The following TNNI3K variants were observed in gnomAD, a reference collection of about 807,000 sequenced individuals.
The protein encoded by TNNI3K is serine/threonine-protein kinase TNNI3K.
A neutral mutation model predicts 114.5 loss-of-function variants in TNNI3K; 140 were observed. The observed-to-expected ratio is 1.22, with a 90% confidence interval of 1.07 to 1.41. The LOEUF (loss-of-function observed/expected upper bound fraction) is 1.41, where lower values mean the gene tolerates loss of function less well. TNNI3K is among the 40% of genes most tolerant of loss of function. The pLI, the probability that TNNI3K is intolerant of heterozygous loss-of-function variation, is 0.00. For missense variants in TNNI3K, 1,125 were observed against 1,007.6 expected, an observed-to-expected ratio of 1.12 and a Z score of -1.58; for synonymous variants, 347 against 347.5, an observed-to-expected ratio of 1.00 and a Z score of 0.02.
At chr1:74,497,715 A>G (rs1478636310) in intron 23 of TNNI3K, among the ~76,000 whole-genome samples, 5 of 152,116 alleles carry the variant, frequency 3.3e-5, no homozygotes, top group Non-Finnish European at 7.4e-5. Flanking sequence ...CTCCTGTTCC[A>G]GCTTCCTCAT....
At chr1:74,336,758 C>T (rs1660491187) in intron 7 of TNNI3K, among the ~76,000 whole-genome samples, 1 of 150,994 alleles carries the variant, frequency 6.6e-6, no homozygotes, top group Non-Finnish European at 1.5e-5. Context: ...CATTGTTGGA[C>T]ATTTGGGTTG....
At chr1:74,383,247 G>A (rs981513541) in intron 17 of TNNI3K, among the ~76,000 whole-genome samples, 2 of 151,716 alleles carry the variant, frequency 1.3e-5, no homozygotes, top group African/African-American at 4.8e-5. Context: ...CTAAAGAGCT[G>A]TTACTTGCCC....
At chr1:74,357,760 T>C (rs1661740114) in intron 11 of TNNI3K, among the ~76,000 whole-genome samples, 1 of 152,096 alleles carries the variant, frequency 6.6e-6, no homozygotes, top group Non-Finnish European at 1.5e-5. Flanking sequence ...ATATTTAGAG[T>C]GTCTCCCCTC....
intron 5 of TNNI3K, among the ~76,000 whole-genome samples, chr1:74,311,861 G>A (rs1570451631): frequency 1.3e-5 from 2 of 152,122 alleles, no homozygotes; most frequent in East Asian, 3.8e-4. Context: ...GGTGTGTATT[G>A]TGAAATAATT....
At chr1:74,484,427 T>G (rs1668652108) in intron 21 of TNNI3K, among the ~76,000 whole-genome samples, 1 of 152,200 alleles carries the variant, frequency 6.6e-6, no homozygotes, top group Non-Finnish European at 1.5e-5. Flanking sequence ...TGAAGTGTAC[T>G]TTCTATAAAA....
chr1:74,267,620 C>T (rs1180556826), intron 4 of TNNI3K, among the ~76,000 whole-genome samples: 1 of 151,862 alleles, frequency 6.6e-6, no homozygotes, highest in Non-Finnish European at 1.5e-5. Context: ...TGGAAGTTGG[C>T]TCATAGTAAG....
intron 17 of TNNI3K, chr1:74,418,174 C>G (rs771863147): frequency 2.2e-6 from 1 of 454,566 alleles, no homozygotes; most frequent in Non-Finnish European, 4.4e-6. Context: ...ATAGGGCTTC[C>G]TGAACTATGT....
intron 20 of TNNI3K, among the ~76,000 whole-genome samples, chr1:74,444,218 CTG>C (rs1287646373): frequency 6.6e-6 from 1 of 152,176 alleles, no homozygotes. Flanking sequence ...GAAAGTCACA[CTG>C]TCTCTGTTTG....
chr1:74,365,527 C>T (rs954017184), intron 11 of TNNI3K, among the ~76,000 whole-genome samples: 1 of 152,064 alleles, frequency 6.6e-6, no homozygotes, highest in Non-Finnish European at 1.5e-5. Context: ...AGAAGCACTA[C>T]TCCACATGAA....
chr1:74,238,055 A>G (rs1653965955), intron 2 of TNNI3K, among the ~76,000 whole-genome samples: 1 of 151,982 alleles, frequency 6.6e-6, no homozygotes, highest in Non-Finnish European at 1.5e-5. Context: ...TTAGGTCCTG[A>G]TTTATTCATT....
rs187308627 is a variant in TNNI3K, at chr1:74,297,372, G to A, written c.444+25664G>A. 2.0e-4 allele frequency among the ~76,000 whole-genome samples: 30 copies of A among 152,230 alleles called. No homozygotes were observed. The South Asian group carries it at 4.8e-3, about 24-fold the overall frequency. ...TTGGTGGTGGGACTTTTGGGAGACC[G>A]TAAGATCATAGTAGTGGAGCCCTCA... On this transcript the variant is annotated intron_variant, in intron 5 of 24. Transcript: ENST00000326637.
chr1:74,255,440 C>T (rs1458601089), intron 4 of TNNI3K, among the ~76,000 whole-genome samples: 1 of 151,984 alleles, frequency 6.6e-6, no homozygotes, highest in Non-Finnish European at 1.5e-5. Context: ...CTAGCCCTCA[C>T]TCAAAATGGA....
intron 20 of TNNI3K, among the ~76,000 whole-genome samples, chr1:74,449,099 C>T (rs2100692714): frequency 6.9e-6 from 1 of 144,642 alleles, no homozygotes; most frequent in African/African-American, 2.6e-5. Context: ...GTCCTGGACT[C>T]TTTTTGGTTG....
intron 20 of TNNI3K, among the ~76,000 whole-genome samples, chr1:74,455,439 C>G (rs965283955): frequency 4.6e-5 from 7 of 152,044 alleles, no homozygotes; most frequent in Admixed American, 2.6e-4. Flanking sequence ...AAACTGGAAC[C>G]AGATGTTGAA....
rs1257082892 is a variant in TNNI3K, at chr1:74,509,947, T to A, written c.2351+17681T>A. On this transcript the variant is annotated intron_variant, in intron 23 of 24. Transcript: ENST00000326637. ...TTTTGTATTTTTTGTAGAGACAGGG[T>A]TTCACCAAGTCACCCAGGCTGGTCT... Among the ~76,000 whole-genome samples the A allele has an allele frequency of 2.6e-5, 4 of 151,964 alleles. No individual in the cohort carries two copies. The East Asian group carries it at 7.8e-4, about 30-fold the overall frequency.
Position 74,451,838 on chromosome 1 carries a change from A to G in TNNI3K, c.2012-11603A>G, listed in dbSNP as rs45498495. On this transcript the variant is annotated intron_variant, in intron 20 of 24. Coordinates refer to ENST00000326637, the MANE Select transcript of TNNI3K (RefSeq NM_015978.3). Reference sequence around the variant, plus strand: ...GTTGAATTGAAGTGGTAAGATATATACCTCAGATTTGTCTATTTCTCAAAA... The same window carrying G: ...GTTGAATTGAAGTGGTAAGATATATGCCTCAGATTTGTCTATTTCTCAAAA... 6.3e-3 allele frequency among the ~76,000 whole-genome samples: 944 copies of G among 150,140 alleles called. 19 individuals carry two copies. The highest frequency in any genetic ancestry group is 0.055 in the East Asian group (282 of 5,120).
intron 17 of TNNI3K, among the ~76,000 whole-genome samples, chr1:74,379,352 CACT>C (rs762785960): frequency 1.4e-4 from 21 of 151,316 alleles, no homozygotes; most frequent in African/African-American, 4.1e-4. Flanking sequence ...CACACACACA[CACT>C]TTTTTTTCTT....
At chr1:74,312,050 TAGA>T (rs1437283932) in intron 5 of TNNI3K, among the ~76,000 whole-genome samples, 2 of 152,208 alleles carry the variant, frequency 1.3e-5, no homozygotes, top group Non-Finnish European at 1.5e-5. Flanking sequence ...CTTGCTCTTT[TAGA>T]AGATGAACAG....
intron 21 of TNNI3K, among the ~76,000 whole-genome samples, chr1:74,476,759 A>G (rs1364161072): frequency 6.6e-6 from 1 of 152,170 alleles, no homozygotes; most frequent in Non-Finnish European, 1.5e-5. Flanking sequence ...GGAAATAAAG[A>G]CAGCATTCCA....
Sources: gnomAD v4.1 joint callset for allele counts (sites outside exome capture counted in the v4.1 genomes callset) on GRCh38, gnomAD v4.1.1 for gene constraint, MANE v1.5 for transcripts, NCBI Gene and HGNC (gene_info 2026-07-23, HGNC 2026-07-21) for gene names.